Variants in COL25A1 observed in about 807,000 individuals in gnomAD.
COL25A1 encodes the protein collagen type XXV alpha 1 chain.
In COL25A1, 103 loss-of-function variants were observed where a neutral mutation model predicts 128.4. That is an observed-to-expected ratio of 0.80 (90% confidence interval 0.68 to 0.94). COL25A1 has a LOEUF of 0.94. COL25A1 is among the 40% of genes least tolerant of loss of function. The probability of loss-of-function intolerance (pLI) is 0.00; values close to 1 mark genes in which losing one functional copy is unlikely to be tolerated. For synonymous variants in COL25A1, 279 were observed against 277.2 expected (o/e 1.01, Z -0.06); for missense variants, 745 against 840.0 (o/e 0.89, Z 1.40).
chr4:109,220,754 A>T (rs1778351621), intron 3 of COL25A1, among the ~76,000 whole-genome samples: 1 of 152,180 alleles, frequency 6.6e-6, no homozygotes, highest in Non-Finnish European at 1.5e-5. Flanking sequence ...CCTTTAGAGC[A>T]CATGGAAACA....
chr4:109,122,851 G>A (rs1768232279), intron 3 of COL25A1, among the ~76,000 whole-genome samples: 1 of 152,060 alleles, frequency 6.6e-6, no homozygotes, highest in Non-Finnish European at 1.5e-5. Flanking sequence ...TACTTATTGA[G>A]TTATTCACAC....
chr4:108,824,200 C>A lies in COL25A1; in HGVS notation c.1819G>T (p.Gly607Cys), dbSNP rs1321469738. ...TTTTCTCCCTTTTCTCCTAGATCAC[C>A]CTTCTCACCCCGTGGACCAGGGAAG... ...DGFPGPRGEK[G>C]DLGEKGEKGF... The change falls in exon 35 of 38, where the codon GGT (glycine) becomes TGT (cysteine). Residue 607 changes from glycine to cysteine, a missense_variant. Around this residue, in one of 3 missense-constraint regions of COL25A1, gnomAD observed 387 missense variants for 441.9 expected, o/e 0.88. Transcript: ENST00000399132. The A allele has an allele frequency of 6.2e-7, 1 of 1,613,770 alleles. No individual in the cohort carries two copies. The highest frequency in any genetic ancestry group is 2.2e-5 in the East Asian group (1 of 44,832).
chr4:109,026,025 C>G (rs3096507), intron 5 of COL25A1, among the ~76,000 whole-genome samples: 77,235 of 151,048 alleles, frequency 0.51, 22,486 homozygotes, highest in African/African-American at 0.78. Context: ...AAGTAGCAGT[C>G]ATTCTTAGCC....
chr4:109,246,990 C>CA (rs1780311020), intron 3 of COL25A1, among the ~76,000 whole-genome samples: 1 of 152,076 alleles, frequency 6.6e-6, no homozygotes, highest in African/African-American at 2.4e-5. Context: ...AGACCTAAAA[C>CA]AAAAAGGCTT....
Position 109,044,118 on chromosome 4 carries a change from T to C in COL25A1, c.420+4050A>G, listed in dbSNP as rs553034678. Among the ~76,000 whole-genome samples the C allele has an allele frequency of 2.6e-5, 4 of 151,616 alleles. No homozygotes were observed. The South Asian group carries it at 8.4e-4, about 32-fold the overall frequency. On this transcript the variant is annotated intron_variant, in intron 5 of 37. Transcript: ENST00000399132. ...GTGTGTGTGTGTGTGTGTGTGTGTATGTATGTATATAAATATATATATCTC... is the reference window on the plus strand; with the variant it reads ...GTGTGTGTGTGTGTGTGTGTGTGTACGTATGTATATAAATATATATATCTC...
At chr4:108,890,608 T>C (rs559220994) in intron 16 of COL25A1, among the ~76,000 whole-genome samples, 1 of 152,318 alleles carries the variant, frequency 6.6e-6, no homozygotes, top group East Asian at 1.9e-4. Context: ...TCTAGCCCTC[T>C]CTGTCTCATG....
intron 15 of COL25A1, among the ~76,000 whole-genome samples, chr4:108,898,319 A>T (rs1742387897): frequency 6.6e-6 from 1 of 152,048 alleles, no homozygotes; most frequent in African/African-American, 2.4e-5. Context: ...ATAATTAAGA[A>T]TTTTTCTTGA....
At chr4:109,134,546 T>G (rs1356099125) in intron 3 of COL25A1, among the ~76,000 whole-genome samples, 1 of 152,124 alleles carries the variant, frequency 6.6e-6, no homozygotes. Flanking sequence ...GTCACTAACA[T>G]TGTAACCCAT....
At chr4:109,080,381 TAAG>T (rs904754812) in intron 3 of COL25A1, among the ~76,000 whole-genome samples, 2 of 152,050 alleles carry the variant, frequency 1.3e-5, no homozygotes, top group Non-Finnish European at 2.9e-5. Flanking sequence ...AATATTTACC[TAAG>T]AAGGTTAATC....
At chr4:108,915,209 A>T (rs913558009) in intron 13 of COL25A1, among the ~76,000 whole-genome samples, 4 of 152,248 alleles carry the variant, frequency 2.6e-5, no homozygotes, top group African/African-American at 9.6e-5. Context: ...CAGATTAGCA[A>T]TCAAGGTGAT....
intron 3 of COL25A1, among the ~76,000 whole-genome samples, chr4:109,258,550 A>G (rs1173591516): frequency 2.0e-5 from 3 of 152,206 alleles, no homozygotes; most frequent in Non-Finnish European, 4.4e-5. Flanking sequence ...TAAAAATATC[A>G]GTAATCACTA....
At position 108,887,397 on chromosome 4, in the gene COL25A1, A is replaced by C. The variant is rs116418953; in HGVS notation, c.975+1824T>G. 7.1e-3 allele frequency among the ~76,000 whole-genome samples: 1,075 copies of C among 152,296 alleles called. 6 individuals carry two copies. Among genetic ancestry groups the C allele is most frequent in the African/African-American group, 0.024 (1,017 of 41,556 alleles). Reference sequence around the variant, plus strand: ...TATTTTTCTAATCTACATCAGCAGCAAGCATGGACATAATTTACTTTTAAA... The same window carrying C: ...TATTTTTCTAATCTACATCAGCAGCCAGCATGGACATAATTTACTTTTAAA... On this transcript the variant is annotated intron_variant, in intron 18 of 37. Transcript: ENST00000399132.
intron 3 of COL25A1, among the ~76,000 whole-genome samples, chr4:109,165,188 G>T (rs1406462639): frequency 2.0e-5 from 3 of 152,100 alleles, no homozygotes; most frequent in Non-Finnish European, 4.4e-5. Flanking sequence ...TAATAATCAG[G>T]AAAGGGCGAT....
rs111560128 is a variant in COL25A1 at position 108,906,940 on chromosome 4, C to T, written c.781-5768G>A. ...AGCACTGAACAGGCCAGGTAGAAAA[C>T]GAGACAGCAAGGCTGCCCAACTGGG... On this transcript the variant is annotated intron_variant, in intron 13 of 37. Transcript: ENST00000399132. Among the ~76,000 whole-genome samples, 380 of 152,274 alleles carry T rather than the reference C, an allele frequency of 2.5e-3. 4 individuals carry two copies. The highest frequency in any genetic ancestry group is 8.3e-3 in the African/African-American group (343 of 41,562).
intron 3 of COL25A1, among the ~76,000 whole-genome samples, chr4:109,093,476 A>C (rs1008508818): frequency 6.0e-5 from 9 of 150,284 alleles, no homozygotes; most frequent in African/African-American, 2.2e-4. Flanking sequence ...AAAAAAAAAA[A>C]CCTTTTTTAA....
chr4:109,279,236 G>C (rs1431228808), intron 3 of COL25A1, among the ~76,000 whole-genome samples: 1 of 152,118 alleles, frequency 6.6e-6, no homozygotes, highest in Non-Finnish European at 1.5e-5. Flanking sequence ...CTTACTGTAA[G>C]ATTTTCATAG....
chr4:109,002,204 A>C (rs1482372737), intron 6 of COL25A1, among the ~76,000 whole-genome samples: 1 of 152,226 alleles, frequency 6.6e-6, no homozygotes, highest in East Asian at 1.9e-4. Flanking sequence ...GCAATCCCAC[A>C]GCTGGGTATA....
chr4:109,153,245 C>G (rs780275161), intron 3 of COL25A1, among the ~76,000 whole-genome samples: 2 of 151,652 alleles, frequency 1.3e-5, no homozygotes, highest in Non-Finnish European at 2.9e-5. Flanking sequence ...ATTAGCTGGG[C>G]GTGGTAGCTC....
intron 6 of COL25A1, among the ~76,000 whole-genome samples, chr4:109,002,057 A>C (rs560062587): frequency 3.5e-4 from 53 of 152,330 alleles, no homozygotes; most frequent in African/African-American, 1.3e-3. Context: ...GACAAAAGAT[A>C]ACAAGTGTTG....
Sources: allele counts gnomAD v4.1 joint callset (sites outside exome capture counted in the v4.1 genomes callset), GRCh38; gene constraint gnomAD v4.1.1; regional missense constraint gnomAD v4.1.1; transcripts MANE v1.5; gene names NCBI Gene and HGNC (gene_info 2026-07-23, HGNC 2026-07-21).